The following DENND1A variants were observed in gnomAD, a reference collection of about 807,000 sequenced individuals.
DENND1A encodes the protein DENN domain-containing protein 1A.
A neutral mutation model predicts 113.7 loss-of-function variants in DENND1A; 51 were observed. The observed-to-expected ratio is 0.45, with a 90% CI of 0.36 to 0.57. The LOEUF is 0.57. Ranked by LOEUF, DENND1A falls within the 20% of genes least tolerant of loss-of-function variation. The pLI is 0.00. For missense variants in DENND1A, 1,258 were observed against 1,395.9 expected (o/e 0.90, Z 1.57); for synonymous variants, 565 against 570.8 (o/e 0.99, Z 0.14).
chr9:123,846,171 T>C (rs914731525), intron 2 of DENND1A, among the ~76,000 whole-genome samples: 1 of 152,128 alleles, frequency 6.6e-6, no homozygotes, highest in Non-Finnish European at 1.5e-5. Context: ...AGAATGGCTA[T>C]AATAAAAGAG....
At chr9:123,704,392 T>C (rs946467934) in intron 5 of DENND1A, among the ~76,000 whole-genome samples, 9 of 152,174 alleles carry the variant, frequency 5.9e-5, no homozygotes, top group Admixed American at 5.9e-4. Context: ...CAGCAGAAAA[T>C]TCTTCATTCT....
chr9:123,928,482 T>C (rs1269149203), intron 1 of DENND1A: 1 of 871,156 alleles, frequency 1.1e-6, no homozygotes, highest in African/African-American at 1.8e-5. Context: ...CGACATCTTT[T>C]TACCTCCCAA....
At chr9:123,462,286 C>T (rs1297879527) in intron 13 of DENND1A, among the ~76,000 whole-genome samples, 3 of 152,188 alleles carry the variant, frequency 2.0e-5, no homozygotes, top group Non-Finnish European at 4.4e-5. Flanking sequence ...TTCATGAAGT[C>T]GAAATTACAC....
chr9:123,862,629 G>A (rs1845206314), intron 2 of DENND1A, among the ~76,000 whole-genome samples: 1 of 151,932 alleles, frequency 6.6e-6, no homozygotes. Flanking sequence ...ATAGATTTTG[G>A]ACTTAGAAAA....
At chr9:123,822,858 C>G (rs1175242991) in intron 2 of DENND1A, among the ~76,000 whole-genome samples, 2 of 152,188 alleles carry the variant, frequency 1.3e-5, no homozygotes, top group Non-Finnish European at 2.9e-5. Context: ...AGGTCACAAT[C>G]TATTGTTTGG....
chr9:123,870,627 G>T (rs1463393916), intron 2 of DENND1A, among the ~76,000 whole-genome samples: 1 of 151,878 alleles, frequency 6.6e-6, no homozygotes, highest in African/African-American at 2.4e-5. Flanking sequence ...AGTAGAGACG[G>T]GGTTTCACCA....
intron 13 of DENND1A, among the ~76,000 whole-genome samples, chr9:123,547,693 C>T (rs2056791898): frequency 6.6e-6 from 1 of 151,922 alleles, no homozygotes; most frequent in African/African-American, 2.4e-5. Context: ...ATTTCAAATC[C>T]TTTATGTATC....
chr9:123,459,708 C>T (rs1029283068), intron 13 of DENND1A, among the ~76,000 whole-genome samples: 2 of 152,106 alleles, frequency 1.3e-5, no homozygotes, highest in Admixed American at 6.5e-5. Context: ...CCCCACCCCC[C>T]AGCCCTGGTA....
intron 5 of DENND1A, among the ~76,000 whole-genome samples, chr9:123,689,202 T>C (rs1197448352): frequency 6.6e-6 from 1 of 152,150 alleles, no homozygotes; most frequent in African/African-American, 2.4e-5. Context: ...ATTGTGTATT[T>C]TTAGTAAAGA....
chr9:123,434,325 C>A (rs983305017), intron 19 of DENND1A, among the ~76,000 whole-genome samples: 1 of 152,246 alleles, frequency 6.6e-6, no homozygotes, highest in African/African-American at 2.4e-5. Context: ...CCATGCCCGG[C>A]CTCACTTCAA....
In DENND1A at chr9:123,457,850, G is replaced by A. The variant is rs753359770; in HGVS notation, c.1041C>T (p.Arg347=). The A allele has an allele frequency of 5.6e-6, 9 of 1,612,868 alleles. No individual in the cohort carries two copies. Among genetic ancestry groups the A allele is most frequent in the Non-Finnish European group, 7.6e-6 (9 of 1,179,478 alleles). The stretch of plus-strand genomic sequence containing the variant: ...GCAGGAACTGCCTCATGGCTCCGGA[G>A]CGGTAGTGGGACACGAAGGCTTCCT... ...FCEEAFVSHY[R]SGAMRQFLQN... The change falls in exon 14 of 24, where the codon CGC becomes CGT. Residue 347 remains arginine (R), a synonymous_variant. Transcript: ENST00000394215.
intron 19 of DENND1A, among the ~76,000 whole-genome samples, chr9:123,415,408 G>A (rs1281882785): frequency 2.6e-5 from 4 of 152,190 alleles, no homozygotes; most frequent in Admixed American, 6.5e-5. Context: ...CCCAGGGGGT[G>A]CGCATTGAAG....
At chr9:123,498,343 A>G (rs1038750506) in intron 13 of DENND1A, among the ~76,000 whole-genome samples, 1 of 152,232 alleles carries the variant, frequency 6.6e-6, no homozygotes, top group Admixed American at 6.5e-5. Flanking sequence ...TAACTTGTAT[A>G]AAGAGCAGAA....
At chr9:123,541,471 C>A (rs1008018499) in intron 13 of DENND1A, among the ~76,000 whole-genome samples, 2 of 152,218 alleles carry the variant, frequency 1.3e-5, no homozygotes, top group African/African-American at 4.8e-5. Flanking sequence ...AACCTCAAAA[C>A]CTCCAGACCA....
At chr9:123,822,909 G>C (rs1281693700) in intron 2 of DENND1A, among the ~76,000 whole-genome samples, 1 of 152,118 alleles carries the variant, frequency 6.6e-6, no homozygotes, top group Non-Finnish European at 1.5e-5. Flanking sequence ...CGATACAGGG[G>C]GCAGGGAGAA....
At position 123,648,009 on chromosome 9, in the gene DENND1A, A is replaced by T. The variant is rs143602105; in HGVS notation, c.618+4004T>A. On this transcript the variant is annotated intron_variant, in intron 9 of 23. Transcript: ENST00000394215. Reference sequence around the variant, plus strand: ...CAAATAGTAGTAAATGACATTCTCTAATACATTTCCAATATAACACCTGGC... The same window carrying T: ...CAAATAGTAGTAAATGACATTCTCTTATACATTTCCAATATAACACCTGGC... Among the ~76,000 whole-genome samples the T allele has an allele frequency of 3.5e-3, 532 of 152,332 alleles. 5 individuals carry two copies. Among genetic ancestry groups the T allele is most frequent in the African/African-American group, 0.012 (502 of 41,576 alleles).
intron 2 of DENND1A, among the ~76,000 whole-genome samples, chr9:123,826,971 A>G (rs1373382654): frequency 6.6e-6 from 1 of 152,154 alleles, no homozygotes; most frequent in African/African-American, 2.4e-5. Flanking sequence ...ATTCCAACAA[A>G]CCCATGATTA....
intron 5 of DENND1A, among the ~76,000 whole-genome samples, chr9:123,681,304 G>A (rs1272992720): frequency 6.8e-6 from 1 of 147,294 alleles, no homozygotes. Context: ...TGAGGGGTGG[G>A]AGGGCTTCCA....
intron 9 of DENND1A, among the ~76,000 whole-genome samples, chr9:123,637,323 G>A (rs574523223): frequency 6.6e-6 from 1 of 152,322 alleles, no homozygotes; most frequent in East Asian, 1.9e-4. Flanking sequence ...TAGAGCAGCT[G>A]TAGAAAATGC....
Sources: gnomAD v4.1 joint callset for allele counts (sites outside exome capture counted in the v4.1 genomes callset) on GRCh38, gnomAD v4.1.1 for gene constraint, MANE v1.5 for transcripts, NCBI Gene and HGNC (gene_info 2026-07-23, HGNC 2026-07-21) for gene names.